The following LYSMD1 variants were observed in gnomAD, a reference collection of about 807,000 sequenced individuals.
LYSMD1 encodes LysM domain containing 1.
In LYSMD1, 9 loss-of-function variants were observed where a neutral mutation model predicts 19.3. The observed-to-expected ratio is 0.47, with a 90% confidence interval of 0.28 to 0.81. The LOEUF is 0.81. LYSMD1 is among the 40% of genes least tolerant of loss of function. The pLI is 0.11. For missense variants in LYSMD1, 262 were observed against 279.8 expected, an observed-to-expected ratio of 0.94 and a Z score of 0.45; for synonymous variants, 111 against 111.7, an observed-to-expected ratio of 0.99 and a Z score of 0.04.
At chr1:151,153,846 C>T in the LYSMD1 span, among the ~76,000 whole-genome samples, 1 of 150,720 alleles carries the variant, frequency 6.6e-6, no homozygotes, top group Non-Finnish European at 1.5e-5. Context: ...CCCAGCTACT[C>T]AGGAGGCTGA....
At chr1:151,153,721 G>C in the LYSMD1 span, among the ~76,000 whole-genome samples, 3 of 151,270 alleles carry the variant, frequency 2.0e-5, no homozygotes, top group African/African-American at 7.3e-5. Flanking sequence ...TTGGGAGGCT[G>C]AGGTGGGTGG....
the LYSMD1 span, among the ~76,000 whole-genome samples, chr1:151,154,313 C>G: frequency 6.6e-6 from 1 of 152,024 alleles, no homozygotes; most frequent in Non-Finnish European, 1.5e-5. Context: ...AACCCTGTCT[C>G]TACTAAAAAT....
chr1:151,160,981 A>G lies in LYSMD1; in HGVS notation c.585T>C (p.Pro195=), dbSNP rs1683423549. 2 of 1,614,166 alleles carry G rather than the reference A, an allele frequency of 1.2e-6. No homozygotes were observed. The highest frequency in any genetic ancestry group is 1.6e-4 in the Middle Eastern group (1 of 6,062). ...GEDAGLHLSS[P]WMQQRAVLGP... is the part of the protein sequence containing the mutation. ...CTAGGACTGCTCGTTGCTGCATCCAAGGGGAGCTCAGGTGGAGACCTGCAT... is the reference window on the plus strand; with the variant it reads ...CTAGGACTGCTCGTTGCTGCATCCAGGGGGAGCTCAGGTGGAGACCTGCAT... The change falls in exon 3 of 3, where the codon CCT becomes CCC. Residue 195 remains proline, a synonymous_variant. Coordinates refer to ENST00000368908, the MANE Select transcript of LYSMD1 (RefSeq NM_212551.5).
chr1:151,156,764 A>C (rs1683236210), downstream of LYSMD1: 2 of 152,238 alleles, frequency 1.3e-5, no homozygotes. Flanking sequence ...TTTAGGGGTA[A>C]TGGTGGCAGA....
At position 151,161,995 on chromosome 1, in the gene LYSMD1, C is replaced by A; in HGVS notation, c.286G>T (p.Gly96Cys). Residue 96 changes from glycine (G) to cysteine (C), a missense_variant, in exon 2 of 3, where the codon GGT (glycine) becomes TGT (cysteine). Coordinates refer to ENST00000368908, the MANE Select transcript of LYSMD1 (RefSeq NM_212551.5). The stretch of plus-strand genomic sequence containing the variant: ...TCTTTCTCTTCCTCAGAGTCCAAAC[C>A]ATTGAACAGGTCTCTGGGCTCTGTC... Reference protein sequence around the residue: ...ILTEPRDLFNGLDSEEEKDGE... With the variant: ...ILTEPRDLFNCLDSEEEKDGE... 1 of 1,614,024 alleles carries A rather than the reference C, an allele frequency of 6.2e-7. No homozygotes were observed. The highest frequency in any genetic ancestry group is 8.5e-7 in the Non-Finnish European group (1 of 1,180,014).
At chr1:151,161,353 C>T (rs1021919653) in intron 2 of LYSMD1, among the ~76,000 whole-genome samples, 45 of 152,154 alleles carry the variant, frequency 3.0e-4, no homozygotes, top group African/African-American at 1.1e-3. Context: ...AAATATTAGC[C>T]GGGCGTGGTG....
chr1:151,156,255 CTG>C (rs1459518176), downstream of LYSMD1, among the ~76,000 whole-genome samples: 6 of 152,060 alleles, frequency 3.9e-5, no homozygotes, highest in Admixed American at 1.3e-4. Context: ...TTGTGACAGT[CTG>C]TGCTCTTACC....
At position 151,165,769 on chromosome 1, in the gene LYSMD1, G is replaced by T. The variant is rs1683663347; in HGVS notation, c.-511C>A. On this transcript the variant is annotated 5_prime_UTR_variant, in exon 1 of 3. Transcript: ENST00000368908. ...CACCTTCCACTCAGAGATCCTCAAAGGTCCGCTCCGCATAAGATAGGTCAC... is the reference window on the plus strand; with the variant it reads ...CACCTTCCACTCAGAGATCCTCAAATGTCCGCTCCGCATAAGATAGGTCAC... The T allele has an allele frequency of 6.4e-7, 1 of 1,551,720 alleles. No homozygotes were observed. The highest frequency in any genetic ancestry group is 8.7e-7 in the Non-Finnish European group (1 of 1,146,966).
At chr1:151,158,746 C>G, downstream of LYSMD1, 2 of 1,613,154 alleles carry the variant, frequency 1.2e-6, no homozygotes, top group Non-Finnish European at 1.7e-6. Flanking sequence ...AGAGAAGAAG[C>G]TACTGAGTAA....
the LYSMD1 span, among the ~76,000 whole-genome samples, chr1:151,151,326 A>G: frequency 1.3e-5 from 2 of 150,270 alleles, no homozygotes; most frequent in African/African-American, 4.9e-5. Context: ...AGTAGCTGGG[A>G]CTACAGGCAC....
At chr1:151,154,770 C>T (rs587613098), downstream of LYSMD1, among the ~76,000 whole-genome samples, 5 of 152,174 alleles carry the variant, frequency 3.3e-5, no homozygotes, top group African/African-American at 1.2e-4. Context: ...CTCAGCTTCC[C>T]GAGTAGCTGG....
chr1:151,161,018 A>G lies in LYSMD1; in HGVS notation c.548T>C (p.Val183Ala). 6.2e-7 allele frequency: 1 copy of G among 1,613,736 alleles called. No homozygotes were observed. The highest frequency in any genetic ancestry group is 8.5e-7 in the Non-Finnish European group (1 of 1,179,682). ...AQKLKKGENGVPGEDAGLHLS... is the reference protein window; with the variant it reads ...AQKLKKGENGAPGEDAGLHLS... ...GTGGAGACCTGCATCCTCCCCAGGT[A>G]CCCTGCAATTGAGGAAAGGGGGGAA... The change falls in exon 3 of 3, where the codon GTA (valine) becomes GCA (alanine). Residue 183 changes from valine (V) to alanine (A), a missense_variant and splice_region_variant. Coordinates refer to ENST00000368908, the MANE Select transcript of LYSMD1 (RefSeq NM_212551.5).
intron 2 of LYSMD1, 130 bp downstream of exon 2, chr1:151,161,606 G>C: frequency 3.4e-6 from 4 of 1,190,898 alleles, no homozygotes; most frequent in Non-Finnish European, 4.7e-6. Flanking sequence ...TTATCTTGGG[G>C]CCACATGGGG....
At chr1:151,162,176 G>A (rs977003961) in intron 1 of LYSMD1, 76 bp from the exon 2 acceptor site, 3 of 1,363,636 alleles carry the variant, frequency 2.2e-6, no homozygotes, top group Non-Finnish European at 3.0e-6. Context: ...TAAAGTGACT[G>A]TACAGAGTCT....
chr1:151,150,539 A>G, the LYSMD1 span, among the ~76,000 whole-genome samples: 1 of 152,118 alleles, frequency 6.6e-6, no homozygotes, highest in Admixed American at 6.6e-5. Flanking sequence ...CATTCAATGA[A>G]CAACTCTTCA....
At chr1:151,159,063 G>C, downstream of LYSMD1, 1 of 1,614,164 alleles carries the variant, frequency 6.2e-7, no homozygotes, top group African/African-American at 1.3e-5. Context: ...TGCTGACCGA[G>C]TGCCGGGATG....
chr1:151,165,089 T>C lies in LYSMD1; in HGVS notation c.170A>G (p.Tyr57Cys). Residue 57 changes from tyrosine to cysteine, a missense_variant, in exon 1 of 3, where the codon TAT becomes TGT. By Grantham distance (194) the Tyr-to-Cys change is radical. Coordinates refer to ENST00000368908, the MANE Select transcript of LYSMD1 (RefSeq NM_212551.5). ...TCCTGGAAAACTCACCGTCACCCCATATTTGAGTGCTAGTCCAGCCAGGGT... is the reference window on the plus strand; with the variant it reads ...TCCTGGAAAACTCACCGTCACCCCACATTTGAGTGCTAGTCCAGCCAGGGT... Reference protein sequence around the residue: ...GDTLAGLALKYGVTMEQIKRA... With the variant: ...GDTLAGLALKCGVTMEQIKRA... The C allele has an allele frequency of 6.2e-7, 1 of 1,613,916 alleles. No homozygotes were observed. Among genetic ancestry groups the C allele is most frequent in the Non-Finnish European group, 8.5e-7 (1 of 1,179,862 alleles).
At chr1:151,156,435 AAG>A (rs1429385000), downstream of LYSMD1, among the ~76,000 whole-genome samples, 1 of 152,244 alleles carries the variant, frequency 6.6e-6, no homozygotes, top group Non-Finnish European at 1.5e-5. Flanking sequence ...CAAGAAAAGA[AAG>A]AAGCAATTTG....
the LYSMD1 span, among the ~76,000 whole-genome samples, chr1:151,149,147 T>C: frequency 6.6e-6 from 1 of 152,104 alleles, no homozygotes; most frequent in East Asian, 1.9e-4. Context: ...TCCCAGCACT[T>C]TGGGAGGCCG....
Sources: allele counts gnomAD v4.1 joint callset (sites outside exome capture counted in the v4.1 genomes callset), GRCh38; gene constraint gnomAD v4.1.1; transcripts MANE v1.5; gene names NCBI Gene and HGNC (gene_info 2026-07-23, HGNC 2026-07-21).